Variants in TUSC3 observed in about 807,000 individuals in gnomAD.
TUSC3 encodes tumor suppressor candidate 3.
TUSC3 carries 45 observed loss-of-function variants against 44.8 expected under a neutral mutation model. The ratio of observed to expected loss-of-function variants is 1.00; its 90% CI spans 0.79 to 1.29. The LOEUF (loss-of-function observed/expected upper bound fraction) is 1.29, where lower values mean the gene tolerates loss of function less well. Among genes scored for constraint, TUSC3 ranks in the 50% most tolerant of loss-of-function variants. The pLI, the probability that TUSC3 is intolerant of heterozygous loss-of-function variation, is 0.00. For synonymous variants in TUSC3, 212 were observed against 152.9 expected, an observed-to-expected ratio of 1.39 and a Z score of -2.85; for missense variants, 519 against 437.9, an observed-to-expected ratio of 1.19 and a Z score of -1.65.
intron 2 of TUSC3, among the ~76,000 whole-genome samples, chr8:15,636,483 C>T (rs1367694656): frequency 6.6e-6 from 1 of 152,136 alleles, no homozygotes; most frequent in Non-Finnish European, 1.5e-5. Context: ...AGATATTAGG[C>T]ATTTGTTTGT....
At position 15,634,423 on chromosome 8, in the gene TUSC3, T is replaced by C. The variant is rs114371251; in HGVS notation, c.308+11174T>C. Among the ~76,000 whole-genome samples, 511 of 152,308 alleles carry C rather than the reference T, an allele frequency of 3.4e-3. 3 individuals are homozygous for C. Among genetic ancestry groups the C allele is most frequent in the African/African-American group, 0.011 (449 of 41,564 alleles). On this transcript the variant is annotated intron_variant, in intron 2 of 10. Coordinates refer to ENST00000503731, the MANE Select transcript of TUSC3 (RefSeq NM_006765.4). ...TAGCAGGCCATCCCTTGTTCTCTCC[T>C]AAGAAAGACTGAGCTATGGCCACAG...
chr8:15,692,913 A>G (rs1266212055), intron 6 of TUSC3, among the ~76,000 whole-genome samples: 1 of 152,082 alleles, frequency 6.6e-6, no homozygotes, highest in Non-Finnish European at 1.5e-5. Flanking sequence ...CACTATGTAA[A>G]GGGCTTGTCT....
intron 3 of TUSC3, among the ~76,000 whole-genome samples, chr8:15,656,296 A>C (rs559003944): frequency 6.6e-6 from 1 of 152,260 alleles, no homozygotes; most frequent in East Asian, 1.9e-4. Flanking sequence ...GATATAGATG[A>C]GACTCAGGAC....
rs181428728 is a variant in TUSC3 at position 15,517,506 on chromosome 8, A to G, written n.189+34023A>G. On this transcript the variant is annotated intron_variant and non_coding_transcript_variant, in intron 2 of 5. Coordinates refer to the TUSC3 transcript ENST00000503191. ...ATCTAAATGCTTGTGAGAGCTTCCT[A>G]ACATTTAGCGTGAGGCAAAAAAAAA... Among the ~76,000 whole-genome samples, 58 of 123,796 alleles carry G rather than the reference A, an allele frequency of 4.7e-4. No homozygotes were observed. The East Asian group carries it at 0.015, about 31-fold the overall frequency. The allele number at this position is 123,796 out of a possible 152,430, so 81.2% of individuals were successfully genotyped here.
At chr8:15,528,283 C>A (rs541746973) in intron 2 of TUSC3, among the ~76,000 whole-genome samples, 1 of 152,168 alleles carries the variant, frequency 6.6e-6, no homozygotes, top group Non-Finnish European at 1.5e-5. Context: ...AAATTACTGG[C>A]ATGCAAGTGA....
intron 1 of TUSC3, among the ~76,000 whole-genome samples, chr8:15,590,661 A>T (rs1376005632): frequency 6.6e-6 from 1 of 151,376 alleles, no homozygotes; most frequent in African/African-American, 2.4e-5. Context: ...TATTATTATT[A>T]TTGGTTTTTG....
At chr8:15,549,587 A>G (rs943181253) in intron 1 of TUSC3, among the ~76,000 whole-genome samples, 1 of 151,728 alleles carries the variant, frequency 6.6e-6, no homozygotes, top group Admixed American at 6.6e-5. Context: ...TTAGAATATT[A>G]TATTTTAATA....
rs548474726 is a variant in TUSC3 at position 15,479,795 on chromosome 8, G to C, written n.92-3591G>C. ...TTTTCAACATAGTTTTGGAAGTTCT[G>C]GCCAGGCCTATCATGCAAGAGAAAG... On this transcript the variant is annotated intron_variant and non_coding_transcript_variant, in intron 1 of 5. Transcript: ENST00000503191. Among the ~76,000 whole-genome samples the C allele has an allele frequency of 5.0e-4, 76 of 152,112 alleles. No individual in the cohort carries two copies. In the South Asian group the frequency reaches 0.015, roughly 31 times the overall value.
the TUSC3 span, among the ~76,000 whole-genome samples, chr8:15,847,635 C>T: frequency 1.3e-5 from 2 of 152,214 alleles, no homozygotes; most frequent in East Asian, 3.9e-4. Context: ...GTTTGGAAAG[C>T]TAACTTGTCC....
chr8:15,454,582 C>T (rs141649301), intron 1 of TUSC3, among the ~76,000 whole-genome samples: 24 of 152,298 alleles, frequency 1.6e-4, no homozygotes, highest in South Asian at 1.0e-3. Context: ...CCATCAGGAA[C>T]AGAAGTTTCT....
intron 1 of TUSC3, 106 bp downstream of exon 1, chr8:15,540,674 G>C: frequency 7.2e-7 from 1 of 1,393,098 alleles, no homozygotes. Flanking sequence ...TCGCCGGCGT[G>C]GGCGATGCCG....
At chr8:15,791,556 C>T in the TUSC3 span, among the ~76,000 whole-genome samples, 1 of 152,134 alleles carries the variant, frequency 6.6e-6, no homozygotes, top group Admixed American at 6.5e-5. Context: ...GATACTGCTC[C>T]ATCATTGGCC....
downstream of TUSC3, among the ~76,000 whole-genome samples, chr8:15,768,539 A>T (rs1289669919): frequency 2.6e-5 from 4 of 152,208 alleles, no homozygotes; most frequent in African/African-American, 9.6e-5. Context: ...CAAAGAGCTA[A>T]CAGAAACCAT....
chr8:15,685,524 C>T (rs564797564), intron 6 of TUSC3, among the ~76,000 whole-genome samples: 1 of 152,206 alleles, frequency 6.6e-6, no homozygotes, highest in East Asian at 1.9e-4. Context: ...ATAATTTGTT[C>T]CCTTAACAGA....
chr8:15,462,821 T>C (rs2129122066), intron 1 of TUSC3, among the ~76,000 whole-genome samples: 1 of 152,210 alleles, frequency 6.6e-6, no homozygotes, highest in Admixed American at 6.5e-5. Flanking sequence ...GATGCTATTC[T>C]CTTAATAATA....
At chr8:15,555,547 G>C (rs1262142609) in intron 1 of TUSC3, among the ~76,000 whole-genome samples, 1 of 150,996 alleles carries the variant, frequency 6.6e-6, no homozygotes, top group African/African-American at 2.4e-5. Flanking sequence ...CCCCTGCCTT[G>C]GCCTCCCAGA....
downstream of TUSC3, among the ~76,000 whole-genome samples, chr8:15,771,469 GAAAT>G (rs1463804148): frequency 6.6e-6 from 1 of 151,592 alleles, no homozygotes; most frequent in Non-Finnish European, 1.5e-5. Flanking sequence ...ATTATTAAAA[GAAAT>G]AACTGCATAG....
intron 6 of TUSC3, among the ~76,000 whole-genome samples, chr8:15,692,170 G>A (rs1165158576): frequency 3.3e-5 from 5 of 152,138 alleles, no homozygotes; most frequent in Non-Finnish European, 7.3e-5. Flanking sequence ...CAGGGATAAA[G>A]ACTACTTGAT....
At chr8:15,505,118 C>T (rs533002217) in intron 2 of TUSC3, among the ~76,000 whole-genome samples, 2 of 152,214 alleles carry the variant, frequency 1.3e-5, no homozygotes, top group South Asian at 2.1e-4. Context: ...GCCCTCCATC[C>T]GCCACTTGGA....
Sources: gnomAD v4.1 joint callset for allele counts (sites outside exome capture counted in the v4.1 genomes callset) on GRCh38, gnomAD v4.1.1 for gene constraint, MANE v1.5 for transcripts, NCBI Gene and HGNC (gene_info 2026-07-23, HGNC 2026-07-21) for gene names.